The following TMEM132B variants were observed in gnomAD, a reference collection of about 807,000 sequenced individuals.
TMEM132B encodes transmembrane protein 132B.
TMEM132B carries 18 observed loss-of-function variants against 90.8 expected under a neutral mutation model. The observed-to-expected ratio is 0.20, with a 90% CI of 0.14 to 0.29. TMEM132B has a LOEUF of 0.29. Among genes scored for constraint, TMEM132B ranks in the 10% least tolerant of loss-of-function variants. The pLI is 1.00. For missense variants in TMEM132B, 1,096 were observed against 1,326.8 expected (o/e 0.83, Z 2.70); for synonymous variants, 504 against 523.3 (o/e 0.96, Z 0.50).
chr12:125,439,143 G>A (rs574351133), intron 3 of TMEM132B, among the ~76,000 whole-genome samples: 101 of 120,278 alleles, frequency 8.4e-4, no homozygotes, highest in African/African-American at 3.8e-3. Flanking sequence ...GGCTGTTCAG[G>A]CTCTTTTTTT....
intron 1 of TMEM132B, among the ~76,000 whole-genome samples, chr12:125,247,735 C>G (rs1874236920): frequency 6.6e-6 from 1 of 152,214 alleles, no homozygotes; most frequent in Non-Finnish European, 1.5e-5. Context: ...TAGCATTTCC[C>G]CTAGCCGATG....
At chr12:125,217,911 AGAG>A (rs1463233114) in intron 1 of TMEM132B, among the ~76,000 whole-genome samples, 3 of 152,244 alleles carry the variant, frequency 2.0e-5, no homozygotes, top group East Asian at 3.8e-4. Context: ...GTTGTTCGTA[AGAG>A]GAGAGATTTG....
chr12:125,474,577 T>C (rs1566047195), intron 3 of TMEM132B, among the ~76,000 whole-genome samples: 1 of 152,210 alleles, frequency 6.6e-6, no homozygotes, highest in African/African-American at 2.4e-5. Flanking sequence ...TCATGAGCCA[T>C]CATGCCTGGC....
chr12:125,370,114 A>G (rs996851579), intron 2 of TMEM132B, among the ~76,000 whole-genome samples: 2 of 152,198 alleles, frequency 1.3e-5, no homozygotes, highest in African/African-American at 2.4e-5. Flanking sequence ...CTTGGGGATG[A>G]GTGATCTGTG....
Position 125,653,796 on chromosome 12 carries a change from A to G in TMEM132B, c.2338A>G (p.Lys780Glu). Residue 780 changes from lysine (K) to glutamate (E), a missense_variant, in exon 9 of 9, where the codon AAG becomes GAG. Transcript: ENST00000682704. ...TGAACCTTGTCAGAAGACCAAGAGG[A>G]AGAGTGTTCTTGCCGTGGGTAAAGG... ...ISEPCQKTKR[K>E]SVLAVGKGNV... The G allele has an allele frequency of 6.2e-7, 1 of 1,614,210 alleles. No individual in the cohort carries two copies. The highest frequency in any genetic ancestry group is 8.5e-7 in the Non-Finnish European group (1 of 1,180,042).
intron 4 of TMEM132B, among the ~76,000 whole-genome samples, chr12:125,566,325 C>T (rs898547900): frequency 6.6e-6 from 1 of 152,160 alleles, no homozygotes; most frequent in Admixed American, 6.5e-5. Context: ...ATTTCTTATT[C>T]TGTTTCCTGT....
chr12:125,393,312 TTCTACTGTTA>T (rs961390896), intron 2 of TMEM132B, among the ~76,000 whole-genome samples: 8 of 152,210 alleles, frequency 5.3e-5, no homozygotes, highest in Non-Finnish European at 1.2e-4. Context: ...GATATGTCAT[TTCTACTGTTA>T]TGGGTCTTAA....
intron 3 of TMEM132B, among the ~76,000 whole-genome samples, chr12:125,419,338 A>G (rs946978898): frequency 1.3e-5 from 2 of 152,206 alleles, no homozygotes; most frequent in Non-Finnish European, 2.9e-5. Flanking sequence ...AAGAGGTTTC[A>G]TTGACTCACA....
chr12:125,326,764 C>T (rs1364970766), intron 1 of TMEM132B: 1 of 1,334,132 alleles, frequency 7.5e-7, no homozygotes, highest in African/African-American at 1.5e-5. Flanking sequence ...TTCAGATTCT[C>T]CCTTTGCAGC....
At chr12:125,343,295 T>G (rs1032357784) in intron 1 of TMEM132B, among the ~76,000 whole-genome samples, 7 of 152,224 alleles carry the variant, frequency 4.6e-5, no homozygotes, top group Non-Finnish European at 8.8e-5. Flanking sequence ...TGGGTTGAGA[T>G]GCTCTGGGTC....
intron 3 of TMEM132B, among the ~76,000 whole-genome samples, chr12:125,455,397 G>A (rs1265953454): frequency 6.6e-6 from 1 of 152,180 alleles, no homozygotes; most frequent in Non-Finnish European, 1.5e-5. Context: ...AGTGATTAAA[G>A]TAAATCAGAT....
intron 1 of TMEM132B, among the ~76,000 whole-genome samples, chr12:125,197,360 C>T (rs975391624): frequency 3.3e-5 from 5 of 152,158 alleles, no homozygotes; most frequent in Non-Finnish European, 7.3e-5. Context: ...AATTTTACTT[C>T]CTCCATCAAC....
intron 2 of TMEM132B, among the ~76,000 whole-genome samples, chr12:125,382,073 C>A (rs1383511195): frequency 6.6e-6 from 1 of 152,128 alleles, no homozygotes; most frequent in African/African-American, 2.4e-5. Context: ...TTTTAGAAAT[C>A]TTCTCATAAG....
chr12:125,283,609 G>A (rs1405092367), intron 1 of TMEM132B, among the ~76,000 whole-genome samples: 1 of 152,194 alleles, frequency 6.6e-6, no homozygotes, highest in African/African-American at 2.4e-5. Flanking sequence ...GCCAAGTCCA[G>A]AGCATAAATT....
chr12:125,639,551 T>C (rs567990931), intron 5 of TMEM132B, among the ~76,000 whole-genome samples: 1 of 152,294 alleles, frequency 6.6e-6, no homozygotes, highest in Admixed American at 6.5e-5. Flanking sequence ...CAGATTACCA[T>C]CAGGTGGGGA....
chr12:125,230,965 G>A (rs1468640552), intron 1 of TMEM132B, among the ~76,000 whole-genome samples: 1 of 152,046 alleles, frequency 6.6e-6, no homozygotes, highest in East Asian at 1.9e-4. Context: ...AATTTCCTAT[G>A]GCTGCCATAT....
chr12:125,561,523 A>G lies in TMEM132B; in HGVS notation c.1294-22328A>G, dbSNP rs1299417086. On this transcript the variant is annotated intron_variant, in intron 4 of 8. Coordinates refer to ENST00000682704, the MANE Select transcript of TMEM132B (RefSeq NM_001366854.1). Reference sequence around the variant, plus strand: ...TATCCCAGAACTTAAGGTATAATAAAAAAATTAAAAAAAGAAATGCATTTT... The same window carrying G: ...TATCCCAGAACTTAAGGTATAATAAGAAAATTAAAAAAAGAAATGCATTTT... Among the ~76,000 whole-genome samples, 6 of 152,114 alleles carry G rather than the reference A, an allele frequency of 3.9e-5. No individual in the cohort carries two copies. The East Asian group carries it at 1.2e-3, about 29-fold the overall frequency.
chr12:125,313,548 C>T (rs1876172018), intron 1 of TMEM132B, among the ~76,000 whole-genome samples: 2 of 97,042 alleles, frequency 2.1e-5, no homozygotes, highest in East Asian at 8.1e-4. Context: ...TTCCCCCTCC[C>T]CTCCCGTTTC....
chr12:125,400,360 C>T (rs1879285636), intron 2 of TMEM132B, among the ~76,000 whole-genome samples: 1 of 152,204 alleles, frequency 6.6e-6, no homozygotes. Context: ...CATGCAGATC[C>T]CCCTTCAGGT....
Sources: allele counts gnomAD v4.1 joint callset (sites outside exome capture counted in the v4.1 genomes callset), GRCh38; gene constraint gnomAD v4.1.1; transcripts MANE v1.5; gene names NCBI Gene and HGNC (gene_info 2026-07-23, HGNC 2026-07-21).